TMC5: variants seen among roughly 807,000 people sequenced by gnomAD.
TMC5 encodes the protein transmembrane channel like 5, also known as transmembrane channel-like protein 5.
A neutral mutation model predicts 110.5 loss-of-function variants in TMC5; 86 were observed. That is an observed-to-expected ratio of 0.78 (90% confidence interval 0.65 to 0.93). The LOEUF (loss-of-function observed/expected upper bound fraction) is 0.93. Among genes scored for constraint, TMC5 ranks in the 40% least tolerant of loss-of-function variants. The pLI is 0.00. For missense variants in TMC5, 1,144 were observed against 1,222.8 expected (o/e 0.94, Z 0.96); for synonymous variants, 455 against 439.5 (o/e 1.04, Z -0.44).
rs1249363633 is a variant in TMC5, at chr16:19,493,674, T to C, written c.2827-588T>C. The stretch of plus-strand genomic sequence containing the variant: ...CGGGGTTTCACCATGTTGACTAGGC[T>C]GGTCTCAAACTCCTGACCTCAAGTG... On this transcript the variant is annotated intron_variant, in intron 19 of 21. Transcript: ENST00000542583. Among the ~76,000 whole-genome samples the C allele has an allele frequency of 3.3e-5, 5 of 152,264 alleles. No individual in the cohort carries two copies. The East Asian group carries it at 9.7e-4, about 29-fold the overall frequency.
intron 5 of TMC5, among the ~76,000 whole-genome samples, chr16:19,456,294 G>GTA (rs1967870870): frequency 1.3e-5 from 2 of 149,914 alleles, no homozygotes; most frequent in African/African-American, 2.5e-5. Context: ...ATATATATAT[G>GTA]TATATATATA....
At chr16:19,470,628 T>G (rs1968313212) in intron 10 of TMC5, among the ~76,000 whole-genome samples, 1 of 143,778 alleles carries the variant, frequency 7.0e-6, no homozygotes, top group African/African-American at 2.6e-5. Flanking sequence ...AATCCTACAA[T>G]GCGTAGAACA....
chr16:19,497,061 C>T, intron 20 of TMC5, 60 bp from the exon 21 acceptor site: 1 of 1,585,948 alleles, frequency 6.3e-7, no homozygotes, highest in Non-Finnish European at 8.7e-7. Context: ...AAATATGTGA[C>T]AAGACCCAGA....
chr16:19,417,038 G>A (rs1476875299), upstream of TMC5, among the ~76,000 whole-genome samples: 15 of 126,408 alleles, frequency 1.2e-4, no homozygotes, highest in African/African-American at 4.7e-4. Context: ...AGGTTGCAGT[G>A]AGCCCAGATG....
At chr16:19,449,251 A>G (rs754394511) in intron 4 of TMC5, among the ~76,000 whole-genome samples, 43 of 152,074 alleles carry the variant, frequency 2.8e-4, no homozygotes, top group Non-Finnish European at 4.7e-4. Flanking sequence ...TTCCCAAAGC[A>G]CTGGGATTAC....
At chr16:19,480,906 T>C (rs563263708) in intron 14 of TMC5, among the ~76,000 whole-genome samples, 1 of 152,154 alleles carries the variant, frequency 6.6e-6, no homozygotes, top group Admixed American at 6.6e-5. Flanking sequence ...GAAATCAAGT[T>C]TCCCCAGAGT....
chr16:19,495,955 G>A (rs540542281), intron 20 of TMC5, among the ~76,000 whole-genome samples: 1 of 152,076 alleles, frequency 6.6e-6, no homozygotes, highest in East Asian at 1.9e-4. Flanking sequence ...CAAACATGGT[G>A]AAACCCATCT....
intron 18 of TMC5, among the ~76,000 whole-genome samples, chr16:19,491,114 C>T (rs879586744): frequency 2.0e-5 from 3 of 151,990 alleles, no homozygotes; most frequent in Non-Finnish European, 4.4e-5. Context: ...AGGCTCAAGC[C>T]ATCCTCCCAC....
At chr16:19,486,873 C>G in intron 15 of TMC5, 72 bp from the exon 16 acceptor site, 1 of 1,373,514 alleles carries the variant, frequency 7.3e-7, no homozygotes, top group African/African-American at 1.4e-5. Context: ...CTCTTCCCCC[C>G]AACCATCCCA....
intron 1 of TMC5, among the ~76,000 whole-genome samples, chr16:19,419,857 A>T (rs144385867): frequency 6.6e-6 from 1 of 152,314 alleles, no homozygotes; most frequent in African/African-American, 2.4e-5. Flanking sequence ...ATTTTTCGGG[A>T]TGACGTGGCA....
At chr16:19,483,313 C>T (rs948264994) in intron 15 of TMC5, among the ~76,000 whole-genome samples, 10 of 152,098 alleles carry the variant, frequency 6.6e-5, no homozygotes, top group African/African-American at 1.9e-4. Context: ...CAGTTAATGC[C>T]GGAACTCTGT....
At chr16:19,494,749 G>A (rs1969007473) in intron 20 of TMC5, among the ~76,000 whole-genome samples, 1 of 152,086 alleles carries the variant, frequency 6.6e-6, no homozygotes, top group African/African-American at 2.4e-5. Flanking sequence ...GGAGGTTGCG[G>A]TGAGCCAAAA....
chr16:19,449,453 A>G lies in TMC5; in HGVS notation c.959-89A>G, dbSNP rs1967697615. 6 of 1,099,090 alleles carry G rather than the reference A, an allele frequency of 5.5e-6. No homozygotes were observed. In the Admixed American group the frequency reaches 1.0e-4, roughly 19 times the overall value. The allele number at this position is 1,099,090 out of a possible 1,614,324, so 68.1% of individuals were successfully genotyped here. On this transcript the variant is annotated intron_variant, in intron 4 of 21. Coordinates refer to ENST00000542583, the MANE Select transcript of TMC5 (RefSeq NM_001261841.2). ...GTCTCAGTCTTATTAGCCGTTACGA[A>G]CCACTATTAGCACATCATAACTATT...
At chr16:19,466,833 G>A (rs55970477) in intron 9 of TMC5, among the ~76,000 whole-genome samples, 17,570 of 152,172 alleles carry the variant, frequency 0.12, 1,327 homozygotes, top group East Asian at 0.37. Context: ...CTATCAGAGA[G>A]GAGGTACAAA....
intron 5 of TMC5, among the ~76,000 whole-genome samples, chr16:19,454,121 C>T (rs1358545376): frequency 6.6e-6 from 1 of 152,112 alleles, no homozygotes; most frequent in African/African-American, 2.4e-5. Flanking sequence ...GACCTCGGCT[C>T]ACTGCAACCT....
chr16:19,485,560 A>G (rs1968719896), intron 15 of TMC5, among the ~76,000 whole-genome samples: 2 of 152,154 alleles, frequency 1.3e-5, no homozygotes, highest in Admixed American at 6.5e-5. Context: ...GGCCTCCAAA[A>G]GTGATGAGAT....
chr16:19,492,915 G>GATATAGATATATATATATATATAT (rs1968944931), intron 19 of TMC5, among the ~76,000 whole-genome samples: 2 of 42,752 alleles, frequency 4.7e-5, no homozygotes, highest in Non-Finnish European at 7.8e-5. Flanking sequence ...TTAAAACTTA[G>GATATAGATATATATATATATATAT]ATATATATAT....
At chr16:19,434,493 T>TAGATAG (rs370261560) in intron 2 of TMC5, among the ~76,000 whole-genome samples, 2 of 133,568 alleles carry the variant, frequency 1.5e-5, no homozygotes, top group Non-Finnish European at 3.1e-5. Flanking sequence ...GATAGATAGA[T>TAGATAG]ATAGAGAGAG....
chr16:19,427,677 G>C (rs11645597), intron 1 of TMC5, among the ~76,000 whole-genome samples: 6,118 of 151,842 alleles, frequency 0.04, 163 homozygotes, highest in African/African-American at 0.07. Flanking sequence ...TTTCTATTGT[G>C]GGGAGGCCAG....
Sources: gnomAD v4.1 joint callset for allele counts (sites outside exome capture counted in the v4.1 genomes callset) on GRCh38, gnomAD v4.1.1 for gene constraint, MANE v1.5 for transcripts, NCBI Gene and HGNC (gene_info 2026-07-23, HGNC 2026-07-21) for gene names.